Variants in CAPZB observed in about 807,000 individuals in gnomAD.
The protein encoded by CAPZB is capping actin protein of muscle Z-line subunit beta, also known as F-actin-capping protein subunit beta.
A neutral mutation model predicts 38.1 loss-of-function variants in CAPZB; 2 were observed. The ratio of observed to expected loss-of-function variants is 0.05; its 90% CI spans 0.02 to 0.17. CAPZB has a LOEUF of 0.17. Among genes scored for constraint, CAPZB ranks in the 10% least tolerant of loss-of-function variants. The probability of loss-of-function intolerance (pLI) is 1.00; values close to 1 mark genes in which losing one functional copy is unlikely to be tolerated. For synonymous variants in CAPZB, 107 were observed against 127.4 expected, an observed-to-expected ratio of 0.84 and a Z score of 1.08; for missense variants, 161 against 334.2, an observed-to-expected ratio of 0.48 and a Z score of 4.04.
chr1:19,382,270 T>C (rs2094179658), intron 3 of CAPZB, among the ~76,000 whole-genome samples: 1 of 152,088 alleles, frequency 6.6e-6, no homozygotes, highest in Non-Finnish European at 1.5e-5. Flanking sequence ...GAGGGAAATA[T>C]CATAACATTA....
At chr1:19,372,450 T>C (rs2094124179) in intron 4 of CAPZB, among the ~76,000 whole-genome samples, 1 of 152,110 alleles carries the variant, frequency 6.6e-6, no homozygotes, top group Admixed American at 6.5e-5. Flanking sequence ...GGGCCAGACT[T>C]GATGTGAAAG....
At chr1:19,443,047 A>G (rs2094483660) in intron 1 of CAPZB, among the ~76,000 whole-genome samples, 1 of 152,094 alleles carries the variant, frequency 6.6e-6, no homozygotes, top group African/African-American at 2.4e-5. Flanking sequence ...TCATAATTAC[A>G]TCCTTCTCTA....
intron 2 of CAPZB, among the ~76,000 whole-genome samples, chr1:19,393,820 G>A (rs2094251419): frequency 6.6e-6 from 1 of 152,214 alleles, no homozygotes; most frequent in African/African-American, 2.4e-5. Context: ...TCCGACATGT[G>A]ACCTTTCCAC....
At chr1:19,462,650 ATATTCACC>A (rs1236540616) in intron 1 of CAPZB, among the ~76,000 whole-genome samples, 1 of 152,180 alleles carries the variant, frequency 6.6e-6, no homozygotes, top group Non-Finnish European at 1.5e-5. Flanking sequence ...ATGAAACAAC[ATATTCACC>A]TATTCACCTA....
chr1:19,384,010 T>C (rs1396582361), intron 3 of CAPZB, among the ~76,000 whole-genome samples: 1 of 152,146 alleles, frequency 6.6e-6, no homozygotes, highest in Non-Finnish European at 1.5e-5. Context: ...TCTACCTAAT[T>C]TCCATTTAAA....
chr1:19,367,880 G>A (rs1375832407), intron 4 of CAPZB, among the ~76,000 whole-genome samples: 1 of 152,182 alleles, frequency 6.6e-6, no homozygotes, highest in Admixed American at 6.5e-5. Flanking sequence ...ATCTGGCTCT[G>A]GGATCTGGTT....
chr1:19,477,527 C>T (rs965842415), intron 1 of CAPZB, among the ~76,000 whole-genome samples: 2 of 152,228 alleles, frequency 1.3e-5, no homozygotes, highest in Non-Finnish European at 2.9e-5. Context: ...CTTCCAGTTT[C>T]TGAGCACAAA....
intron 1 of CAPZB, among the ~76,000 whole-genome samples, chr1:19,463,297 C>T (rs566438170): frequency 3.3e-5 from 5 of 152,200 alleles, no homozygotes; most frequent in Non-Finnish European, 7.3e-5. Flanking sequence ...ACTTGTGCCG[C>T]TCTTCTCCAC....
intron 3 of CAPZB, among the ~76,000 whole-genome samples, chr1:19,381,490 G>C (rs1175777632): frequency 6.6e-6 from 1 of 152,132 alleles, no homozygotes; most frequent in African/African-American, 2.4e-5. Context: ...GAAGAAAGGG[G>C]AATTCTGCTG....
chr1:19,416,860 C>CAAAAAAAAAAAAAAAAAAA (rs59789230), intron 2 of CAPZB, among the ~76,000 whole-genome samples: 9 of 69,442 alleles, frequency 1.3e-4, no homozygotes, highest in African/African-American at 5.4e-4. Flanking sequence ...GACCCTGTCT[C>CAAAAAAAAAAAAAAAAAAA]AAAAAAAAAA....
At chr1:19,448,695 T>A in intron 1 of CAPZB, 1 of 1,120,026 alleles carries the variant, frequency 8.9e-7, no homozygotes, top group Non-Finnish European at 1.3e-6. Flanking sequence ...ACACATTTCC[T>A]GGGGGTAGAC....
intron 2 of CAPZB, among the ~76,000 whole-genome samples, chr1:19,410,382 A>G (rs2094352191): frequency 6.6e-6 from 1 of 152,148 alleles, no homozygotes; most frequent in African/African-American, 2.4e-5. Flanking sequence ...AAATTTTTAC[A>G]TTTGTTTTAA....
intron 1 of CAPZB, chr1:19,424,434 G>A (rs1234037786): frequency 6.6e-6 from 1 of 152,224 alleles, no homozygotes; most frequent in Non-Finnish European, 1.5e-5. Flanking sequence ...GGAAGCTGAG[G>A]CAGGAGGATC....
In CAPZB at chr1:19,400,251, T is replaced by C. The variant is rs181451078; in HGVS notation, c.94-14625A>G. Among the ~76,000 whole-genome samples the C allele has an allele frequency of 2.0e-5, 3 of 152,130 alleles. No individual in the cohort carries two copies. In the East Asian group the frequency reaches 5.8e-4, roughly 29 times the overall value. On this transcript the variant is annotated intron_variant, in intron 2 of 8. Coordinates refer to ENST00000264202, the MANE Select transcript of CAPZB (RefSeq NM_004930.5). The stretch of plus-strand genomic sequence containing the variant: ...TTCGTCAATTTCAGTGTGCCCTTCA[T>C]GAATCTGGCATGTGGTCACTGGCAG...
chr1:19,375,003 C>T (rs1260964584), intron 4 of CAPZB, among the ~76,000 whole-genome samples: 2 of 152,150 alleles, frequency 1.3e-5, no homozygotes, highest in Non-Finnish European at 2.9e-5. Context: ...GCCAATGCCC[C>T]TCAGGAGACA....
intron 1 of CAPZB, among the ~76,000 whole-genome samples, chr1:19,475,682 T>C (rs1479329066): frequency 6.6e-6 from 1 of 152,184 alleles, no homozygotes; most frequent in Non-Finnish European, 1.5e-5. Context: ...ACATGGCTAG[T>C]CTCACAGTGG....
intron 2 of CAPZB, among the ~76,000 whole-genome samples, chr1:19,413,270 T>A (rs2094365091): frequency 6.6e-6 from 1 of 152,134 alleles, no homozygotes; most frequent in Admixed American, 6.5e-5. Context: ...TTCCAGGAGG[T>A]GCTCAATAAA....
At chr1:19,458,489 G>T (rs2094540253) in intron 1 of CAPZB, among the ~76,000 whole-genome samples, 1 of 152,144 alleles carries the variant, frequency 6.6e-6, no homozygotes, top group Non-Finnish European at 1.5e-5. Context: ...CAAGTAGCTG[G>T]GATTACAGGT....
intron 3 of CAPZB, among the ~76,000 whole-genome samples, chr1:19,381,323 T>C (rs1214857536): frequency 7.0e-6 from 1 of 143,082 alleles, no homozygotes; most frequent in Non-Finnish European, 1.5e-5. Context: ...TTGATCCTCA[T>C]GCCTGTCATA....
Sources: allele counts gnomAD v4.1 joint callset (sites outside exome capture counted in the v4.1 genomes callset), GRCh38; gene constraint gnomAD v4.1.1; transcripts MANE v1.5; gene names NCBI Gene and HGNC (gene_info 2026-07-23, HGNC 2026-07-21).